The following TMEFF1 variants were observed in gnomAD, a reference collection of about 807,000 sequenced individuals.
TMEFF1 encodes transmembrane protein with EGF like and two follistatin like domains 1, also known as tomoregulin-1.
Under a neutral mutation model 47.5 loss-of-function variants are expected in TMEFF1, and 20 were observed. The observed-to-expected ratio is 0.42, with a 90% CI of 0.30 to 0.61. TMEFF1 has a LOEUF of 0.61. Among genes scored for constraint, TMEFF1 ranks in the 20% least tolerant of loss-of-function variants. The pLI, the probability that TMEFF1 is intolerant of heterozygous loss-of-function variation, is 0.19. For synonymous variants in TMEFF1, 162 were observed against 166.3 expected (o/e 0.97, Z 0.20); for missense variants, 411 against 471.1 (o/e 0.87, Z 1.18).
At chr9:100,547,690 C>A in intron 5 of TMEFF1, 54 bp from the exon 6 acceptor site, 1 of 1,398,232 alleles carries the variant, frequency 7.2e-7, no homozygotes, top group Non-Finnish European at 9.4e-7. Flanking sequence ...GCTGTTGCAG[C>A]ATTGTGAAAT....
At chr9:100,540,931 T>G (rs1427185428) in intron 5 of TMEFF1, among the ~76,000 whole-genome samples, 4 of 152,214 alleles carry the variant, frequency 2.6e-5, no homozygotes, top group Non-Finnish European at 4.4e-5. Context: ...AAAAATTGAT[T>G]TGTATTTGTG....
chr9:100,514,379 C>T (rs574821618), intron 4 of TMEFF1, among the ~76,000 whole-genome samples: 1 of 151,426 alleles, frequency 6.6e-6, no homozygotes, highest in Admixed American at 6.6e-5. Context: ...CATGTTCAAG[C>T]AGAAGCTTTA....
intron 4 of TMEFF1, among the ~76,000 whole-genome samples, chr9:100,514,147 T>C (rs1261871715): frequency 6.6e-6 from 1 of 152,032 alleles, no homozygotes; most frequent in Non-Finnish European, 1.5e-5. Context: ...TCACACTTAA[T>C]GCAAATGGAA....
intron 8 of TMEFF1, among the ~76,000 whole-genome samples, chr9:100,568,325 A>G (rs1342771728): frequency 6.6e-6 from 1 of 152,158 alleles, no homozygotes; most frequent in Non-Finnish European, 1.5e-5. Flanking sequence ...CTGAGCTTTG[A>G]CTATTGGCCA....
At position 100,473,649 on chromosome 9, in the gene TMEFF1, C is replaced by T. The variant is rs1407282151; in HGVS notation, c.105C>T (p.Pro35=). The T allele has an allele frequency of 1.9e-6, 3 of 1,549,552 alleles. No individual in the cohort carries two copies. The highest frequency in any genetic ancestry group is 1.4e-5 in the African/African-American group (1 of 72,716). The part of the protein sequence containing the change: ...SVLLLFAFSL[P]GSRASNQPPG... Reference sequence around the variant, plus strand: ...TTCTGCTCTTCGCCTTCTCTCTGCCCGGGAGCCGCGCGTCCAACCAGCCCC... The same window carrying T: ...TTCTGCTCTTCGCCTTCTCTCTGCCTGGGAGCCGCGCGTCCAACCAGCCCC... Residue 35 remains proline, a synonymous_variant, in exon 1 of 10, where the codon CCC becomes CCT. Coordinates refer to ENST00000374879, the MANE Select transcript of TMEFF1 (RefSeq NM_003692.5). The surrounding 1 kb of genome is among the most constrained non-coding windows in gnomAD (Gnocchi z 5.4).
At chr9:100,572,896 G>C (rs1358807192) in intron 9 of TMEFF1, among the ~76,000 whole-genome samples, 1 of 151,790 alleles carries the variant, frequency 6.6e-6, no homozygotes, top group African/African-American at 2.4e-5. Context: ...AATGAGAATA[G>C]TCAATGAGAT....
intron 1 of TMEFF1, among the ~76,000 whole-genome samples, chr9:100,495,549 C>T (rs546270884): frequency 3.3e-5 from 5 of 152,210 alleles, no homozygotes; most frequent in South Asian, 2.1e-4. Context: ...CAAGATCATC[C>T]CGTTACATTT....
intron 7 of TMEFF1, 140 bp from the exon 8 acceptor site, chr9:100,561,257 T>G: frequency 7.0e-7 from 1 of 1,427,380 alleles, no homozygotes; most frequent in Non-Finnish European, 9.3e-7. Flanking sequence ...TCTAACCCCC[T>G]ATCTGATAAA....
intron 2 of TMEFF1, among the ~76,000 whole-genome samples, chr9:100,507,390 T>C (rs1030792320): frequency 6.6e-6 from 1 of 152,230 alleles, no homozygotes; most frequent in Non-Finnish European, 1.5e-5. Context: ...ATGAGATTGC[T>C]GGGTTGAATG....
chr9:100,554,989 C>T (rs769189634), intron 7 of TMEFF1, among the ~76,000 whole-genome samples: 1 of 151,986 alleles, frequency 6.6e-6, no homozygotes, highest in Non-Finnish European at 1.5e-5. Flanking sequence ...GTGGAACAAG[C>T]CTTTGCAGAT....
intron 5 of TMEFF1, among the ~76,000 whole-genome samples, chr9:100,533,890 T>C (rs1838452165): frequency 6.6e-6 from 1 of 152,114 alleles, no homozygotes; most frequent in African/African-American, 2.4e-5. Flanking sequence ...AGCTAATGTT[T>C]GTATTTTTAG....
At chr9:100,563,281 G>A (rs1306565340) in intron 8 of TMEFF1, among the ~76,000 whole-genome samples, 1 of 152,198 alleles carries the variant, frequency 6.6e-6, no homozygotes, top group African/African-American at 2.4e-5. Context: ...AAATCTTATA[G>A]TGGGCTCTTC....
At chr9:100,505,294 C>G (rs2118344466) in intron 2 of TMEFF1, among the ~76,000 whole-genome samples, 2 of 151,170 alleles carry the variant, frequency 1.3e-5, no homozygotes, top group Middle Eastern at 3.4e-3. Flanking sequence ...TGCCTGTAAT[C>G]CCAGCTACTT....
intron 1 of TMEFF1, among the ~76,000 whole-genome samples, chr9:100,475,215 T>C (rs952650350): frequency 2.0e-5 from 3 of 152,164 alleles, no homozygotes; most frequent in Non-Finnish European, 4.4e-5. Flanking sequence ...ATGCTTATGC[T>C]ACCCTAAATG....
At chr9:100,517,151 G>A (rs959694564) in intron 5 of TMEFF1, among the ~76,000 whole-genome samples, 1 of 152,142 alleles carries the variant, frequency 6.6e-6, no homozygotes, top group Admixed American at 6.5e-5. Context: ...GTAAGAAATG[G>A]TGTTCTTTTT....
At chr9:100,484,242 T>C (rs1837403507) in intron 1 of TMEFF1, among the ~76,000 whole-genome samples, 1 of 152,174 alleles carries the variant, frequency 6.6e-6, no homozygotes, top group Non-Finnish European at 1.5e-5. Flanking sequence ...ATCTTTTTTC[T>C]AAATTGCACA....
At chr9:100,559,098 CG>C (rs1272576548) in intron 7 of TMEFF1, among the ~76,000 whole-genome samples, 2 of 151,982 alleles carry the variant, frequency 1.3e-5, no homozygotes, top group Non-Finnish European at 2.9e-5. Flanking sequence ...TATACAGAAA[CG>C]AATAACACAA....
intron 3 of TMEFF1, among the ~76,000 whole-genome samples, chr9:100,512,780 A>C (rs1837992235): frequency 6.6e-6 from 1 of 152,182 alleles, no homozygotes; most frequent in Non-Finnish European, 1.5e-5. Context: ...GTAACATGAA[A>C]ACCTCAAGCC....
intron 7 of TMEFF1, among the ~76,000 whole-genome samples, chr9:100,558,837 T>G (rs1838963542): frequency 6.6e-6 from 1 of 152,112 alleles, no homozygotes; most frequent in Non-Finnish European, 1.5e-5. Context: ...TTTTCTAAGT[T>G]CTGTACACAC....
Sources: gnomAD v4.1 joint callset for allele counts (sites outside exome capture counted in the v4.1 genomes callset) on GRCh38, gnomAD v4.1.1 for gene constraint, Gnocchi (gnomAD v3.1) non-coding constraint, MANE v1.5 for transcripts, NCBI Gene and HGNC (gene_info 2026-07-23, HGNC 2026-07-21) for gene names.